DPY19L3: variants seen among roughly 807,000 people sequenced by gnomAD.
The protein encoded by DPY19L3 is protein C-mannosyl-transferase DPY19L3.
In DPY19L3, 51 loss-of-function variants were observed where a neutral mutation model predicts 92.3. The observed-to-expected ratio is 0.55, with a 90% CI of 0.44 to 0.70. The LOEUF (loss-of-function observed/expected upper bound fraction) is 0.70. DPY19L3 is among the 30% of genes least tolerant of loss of function. The pLI is 0.00. For synonymous variants in DPY19L3, 309 were observed against 315.2 expected (o/e 0.98, Z 0.21); for missense variants, 706 against 855.9 (o/e 0.82, Z 2.18).
chr19:32,476,105 G>C (rs1970500697), intron 16 of DPY19L3, among the ~76,000 whole-genome samples: 1 of 152,110 alleles, frequency 6.6e-6, no homozygotes, highest in African/African-American at 2.4e-5. Context: ...GGGATGTCTT[G>C]CTTGTAGACA....
chr19:32,426,894 C>G (rs960941997), intron 3 of DPY19L3, among the ~76,000 whole-genome samples: 1 of 152,218 alleles, frequency 6.6e-6, no homozygotes, highest in Admixed American at 6.5e-5. Flanking sequence ...TGTAAAAATG[C>G]ATTATCTGCA....
At chr19:32,408,751 T>A (rs1010416234) in intron 2 of DPY19L3, among the ~76,000 whole-genome samples, 5 of 152,088 alleles carry the variant, frequency 3.3e-5, no homozygotes, top group South Asian at 2.1e-4. Flanking sequence ...CAACATTTTT[T>A]AAAAATTCTT....
chr19:32,470,476 C>T (rs1970323909), intron 16 of DPY19L3, among the ~76,000 whole-genome samples: 1 of 152,150 alleles, frequency 6.6e-6, no homozygotes, highest in Non-Finnish European at 1.5e-5. Context: ...ATAAACACCC[C>T]AGTCTTTCAG....
At chr19:32,470,864 G>A (rs1290333355) in intron 16 of DPY19L3, among the ~76,000 whole-genome samples, 1 of 132,406 alleles carries the variant, frequency 7.6e-6, no homozygotes, top group East Asian at 2.2e-4. Flanking sequence ...TTGTGATCTA[G>A]TCTCAGCTTT....
At chr19:32,441,243 A>C (rs1599629138) in intron 8 of DPY19L3, among the ~76,000 whole-genome samples, 1 of 152,208 alleles carries the variant, frequency 6.6e-6, no homozygotes, top group African/African-American at 2.4e-5. Context: ...AAAGAAATAA[A>C]AAACTGGAAA....
chr19:32,427,287 A>T (rs961874596), intron 3 of DPY19L3, among the ~76,000 whole-genome samples: 2 of 152,040 alleles, frequency 1.3e-5, no homozygotes, highest in African/African-American at 4.8e-5. Context: ...GAGCCACCGC[A>T]CCCCCGCATT....
chr19:32,464,728 A>G lies in DPY19L3; in HGVS notation c.1558A>G (p.Ile520Val), dbSNP rs142231528. The G allele has an allele frequency of 1.5e-4, 220 of 1,460,630 alleles. 1 individual carries two copies. The highest frequency in any genetic ancestry group is 2.0e-4 in the Non-Finnish European group (210 of 1,068,378). 90.5% of individuals were successfully genotyped at this position (1,460,630 alleles called of 1,614,324 possible). The change falls in exon 15 of 19, where the codon ATA (isoleucine) becomes GTA (valine). Residue 520 changes from isoleucine (I) to valine (V), a missense_variant and splice_region_variant. Physicochemically the swap from Ile to Val is conservative, Grantham distance 29. Transcript: ENST00000392250. ...TCTAAATAATGTCTTTCTTATATAG[A>G]TATGTATAATGCGATATTCAGTACC... ...KSVHLYNPKRICIMRYSVPIL... is the reference protein window; with the variant it reads ...KSVHLYNPKRVCIMRYSVPIL...
intron 3 of DPY19L3, among the ~76,000 whole-genome samples, chr19:32,419,442 T>A (rs1232287975): frequency 1.3e-5 from 2 of 151,998 alleles, no homozygotes; most frequent in Non-Finnish European, 2.9e-5. Context: ...ATTACAGGCA[T>A]GAGCCACCGT....
At chr19:32,420,100 C>T (rs1221128000) in intron 3 of DPY19L3, among the ~76,000 whole-genome samples, 6 of 151,950 alleles carry the variant, frequency 3.9e-5, no homozygotes, top group Admixed American at 2.0e-4. Flanking sequence ...CCTCATGATC[C>T]GCCCGCCTCA....
At chr19:32,416,367 A>G (rs1170111106) in intron 3 of DPY19L3, among the ~76,000 whole-genome samples, 1 of 152,192 alleles carries the variant, frequency 6.6e-6, no homozygotes, top group African/African-American at 2.4e-5. Context: ...GAGGATCAGT[A>G]AGTTCTGACA....
At chr19:32,429,201 A>G (rs1049477794) in intron 3 of DPY19L3, among the ~76,000 whole-genome samples, 23 of 152,108 alleles carry the variant, frequency 1.5e-4, no homozygotes, top group Non-Finnish European at 2.6e-4. Context: ...TCTTTCTGTC[A>G]TTATCTTCGA....
intron 3 of DPY19L3, among the ~76,000 whole-genome samples, chr19:32,420,196 T>C (rs1417496974): frequency 2.0e-5 from 3 of 152,112 alleles, no homozygotes; most frequent in Non-Finnish European, 2.9e-5. Context: ...TCTGCCCTTA[T>C]GGTGCCTGGC....
At chr19:32,458,252 C>T in intron 11 of DPY19L3, 79 bp downstream of exon 11, 1 of 1,574,288 alleles carries the variant, frequency 6.4e-7, no homozygotes, top group Non-Finnish European at 8.7e-7. Flanking sequence ...TGTCATTGTG[C>T]CTTCAACTAT....
chr19:32,410,851 G>C (rs756335789), intron 2 of DPY19L3, among the ~76,000 whole-genome samples: 6 of 152,242 alleles, frequency 3.9e-5, no homozygotes, highest in Non-Finnish European at 8.8e-5. Context: ...GCCACCAATT[G>C]TACCTAGATT....
In DPY19L3 at chr19:32,427,329, G is replaced by C. The variant is rs546681438; in HGVS notation, c.238-5387G>C. ...TCTTGTTGGAACATAAACATCTTTCGGTCAAATACTAAATTCTTGCACCTT... is the reference window on the plus strand; with the variant it reads ...TCTTGTTGGAACATAAACATCTTTCCGTCAAATACTAAATTCTTGCACCTT... On this transcript the variant is annotated intron_variant, in intron 3 of 18. Transcript: ENST00000392250. Among the ~76,000 whole-genome samples, 18 of 152,124 alleles carry C rather than the reference G, an allele frequency of 1.2e-4. 1 individual carries two copies. The South Asian group carries it at 3.7e-3, about 32-fold the overall frequency.
intron 3 of DPY19L3, among the ~76,000 whole-genome samples, chr19:32,430,490 C>G (rs1442912637): frequency 1.3e-5 from 2 of 152,064 alleles, no homozygotes; most frequent in African/African-American, 2.4e-5. Context: ...ATAAGATTTG[C>G]TACCCTACCT....
rs1298480241 is a variant in DPY19L3 at position 32,483,835 on chromosome 19, A to G, written c.*1595A>G. 1 of 152,642 alleles carries G rather than the reference A, an allele frequency of 6.6e-6. No individual in the cohort carries two copies. The highest frequency in any genetic ancestry group is 1.9e-4 in the East Asian group (1 of 5,196). The allele number at this position is 152,642 out of a possible 1,614,324, so 9.5% of individuals were successfully genotyped here. ...ATAATAAAACGTTTTAATCAGTACT[A>G]AAACTTTAATTAAGCCAATAATGAT... On this transcript the variant is annotated 3_prime_UTR_variant, in exon 19 of 19. Transcript: ENST00000392250.
At chr19:32,436,796 G>A (rs1969156046) in intron 5 of DPY19L3, among the ~76,000 whole-genome samples, 1 of 152,022 alleles carries the variant, frequency 6.6e-6, no homozygotes, top group East Asian at 1.9e-4. Context: ...GTATGTATGC[G>A]GTCTAGAAGC....
chr19:32,411,053 C>A (rs561918106), intron 2 of DPY19L3, among the ~76,000 whole-genome samples, 186 bp from the exon 3 acceptor site: 3 of 152,128 alleles, frequency 2.0e-5, no homozygotes, highest in Admixed American at 2.0e-4. Context: ...CAGTTAGATA[C>A]GGGGTAACAG....
Sources: allele counts gnomAD v4.1 joint callset (sites outside exome capture counted in the v4.1 genomes callset), GRCh38; gene constraint gnomAD v4.1.1; transcripts MANE v1.5; gene names NCBI Gene and HGNC (gene_info 2026-07-23, HGNC 2026-07-21).